Variants in SEL1L3 observed in about 807,000 individuals in gnomAD.
SEL1L3 encodes protein sel-1 homolog 3.
A neutral mutation model predicts 142.8 loss-of-function variants in SEL1L3; 76 were observed. The observed-to-expected ratio is 0.53, with a 90% CI of 0.44 to 0.64. The LOEUF (loss-of-function observed/expected upper bound fraction) is 0.64. Ranked by LOEUF, SEL1L3 falls within the 30% of genes least tolerant of loss-of-function variation. The pLI, the probability that SEL1L3 is intolerant of heterozygous loss-of-function variation, is 0.00. For synonymous variants in SEL1L3, 504 were observed against 519.6 expected (o/e 0.97, Z 0.41); for missense variants, 1,262 against 1,381.7 (o/e 0.91, Z 1.37).
At position 25,765,346 on chromosome 4, in the gene SEL1L3, C is replaced by T. The variant is rs1486381903; in HGVS notation, c.2935G>A (p.Ala979Thr). Residue 979 changes from alanine (A) to threonine (T), a missense_variant, in exon 20 of 24, where the codon GCC becomes ACC. Physicochemically the swap from Ala to Thr is moderately conservative, Grantham distance 58. This residue lies in a region of SEL1L3 where 435 missense variants were observed against 559.2 expected (regional missense o/e 0.78). Transcript: ENST00000399878. Reference sequence around the variant, plus strand: ...TTTACCTGGGAGTCTCCATCCAGGGCGGCTTGGGCGTACATCTGCACAGAC... The same window carrying T: ...TTTACCTGGGAGTCTCCATCCAGGGTGGCTTGGGCGTACATCTGCACAGAC... ...ELSVQMYAQA[A>T]LDGDSQGFFN... 6 of 1,613,094 alleles carry T rather than the reference C, an allele frequency of 3.7e-6. No homozygotes were observed. The highest frequency in any genetic ancestry group is 1.3e-5 in the African/African-American group (1 of 74,978).
chr4:25,805,162 GA>G lies in SEL1L3; in HGVS notation c.1565-411del, dbSNP rs541037255. Among the ~76,000 whole-genome samples the G allele has an allele frequency of 2.0e-5, 3 of 152,248 alleles. No homozygotes were observed. The South Asian group carries it at 6.2e-4, about 32-fold the overall frequency. ...TTCTTAGGTACTGCTCTAAAAAGTTGAGCAAAAGAACCTTAGTTTTAGATGC... is the reference window on the plus strand; with the variant it reads ...TTCTTAGGTACTGCTCTAAAAAGTTGGCAAAAGAACCTTAGTTTTAGATGC... On this transcript the variant is annotated intron_variant, in intron 9 of 23. Coordinates refer to ENST00000399878, the MANE Select transcript of SEL1L3 (RefSeq NM_015187.5).
At chr4:25,831,541 A>G (rs1252299300) in intron 5 of SEL1L3, among the ~76,000 whole-genome samples, 63 of 142,466 alleles carry the variant, frequency 4.4e-4, no homozygotes, top group Non-Finnish European at 8.7e-4. Flanking sequence ...TATTATTATT[A>G]TTGAGACAGA....
chr4:25,834,421 A>T (rs575842608), intron 3 of SEL1L3, among the ~76,000 whole-genome samples: 2 of 152,318 alleles, frequency 1.3e-5, no homozygotes, highest in Admixed American at 6.5e-5. Context: ...GAATGCATTG[A>T]TTTCTCTTCA....
the SEL1L3 span, among the ~76,000 whole-genome samples, chr4:25,724,441 T>C: frequency 1.4e-5 from 2 of 147,244 alleles, no homozygotes; most frequent in Admixed American, 6.8e-5. Context: ...AAAGACAAGG[T>C]AAAAGAAAAG....
intron 11 of SEL1L3, among the ~76,000 whole-genome samples, chr4:25,793,111 C>G (rs775547442): frequency 3.3e-5 from 5 of 152,170 alleles, no homozygotes; most frequent in Non-Finnish European, 7.3e-5. Context: ...TATGTGGAAA[C>G]GGAGGCCCAG....
At chr4:25,779,900 T>C (rs1719882803) in intron 15 of SEL1L3, among the ~76,000 whole-genome samples, 1 of 152,176 alleles carries the variant, frequency 6.6e-6, no homozygotes, top group African/African-American at 2.4e-5. Flanking sequence ...TGTTGGTTAA[T>C]CTCTCCAAAC....
intron 12 of SEL1L3, among the ~76,000 whole-genome samples, chr4:25,789,339 A>G (rs966533878): frequency 1.5e-4 from 23 of 152,252 alleles, no homozygotes; most frequent in African/African-American, 5.5e-4. Flanking sequence ...CTGCACTTTG[A>G]GAGGCATAAG....
chr4:25,842,257 A>T (rs922702424), intron 2 of SEL1L3, among the ~76,000 whole-genome samples: 17 of 151,758 alleles, frequency 1.1e-4, no homozygotes, highest in Admixed American at 2.6e-4. Context: ...AAAAAAAAAA[A>T]ACTCAACAAA....
chr4:25,793,822 C>T (rs570535825), intron 11 of SEL1L3, among the ~76,000 whole-genome samples: 7 of 152,290 alleles, frequency 4.6e-5, no homozygotes, highest in Admixed American at 4.6e-4. Flanking sequence ...CAAATCTAGG[C>T]TCCACTACTC....
At chr4:25,813,274 A>G (rs1714154773) in intron 9 of SEL1L3, among the ~76,000 whole-genome samples, 2 of 152,236 alleles carry the variant, frequency 1.3e-5, no homozygotes, top group South Asian at 4.1e-4. Flanking sequence ...AAAGTTATTC[A>G]CAATAGTCAA....
intron 11 of SEL1L3, among the ~76,000 whole-genome samples, chr4:25,795,409 G>A (rs1345828006): frequency 6.6e-6 from 1 of 152,154 alleles, no homozygotes; most frequent in African/African-American, 2.4e-5. Context: ...AGGTTGTGGG[G>A]ATGAAGATCT....
At chr4:25,781,898 C>T (rs957952313) in intron 15 of SEL1L3, among the ~76,000 whole-genome samples, 1 of 152,210 alleles carries the variant, frequency 6.6e-6, no homozygotes. Flanking sequence ...TTGCTTCTAG[C>T]AAGATCAGTC....
chr4:25,778,854 G>A (rs968567286), intron 16 of SEL1L3, among the ~76,000 whole-genome samples: 2 of 152,156 alleles, frequency 1.3e-5, no homozygotes, highest in Non-Finnish European at 2.9e-5. Flanking sequence ...GTCTAGGGGT[G>A]GGATGAAGTG....
the SEL1L3 span, among the ~76,000 whole-genome samples, chr4:25,729,619 C>T: frequency 6.6e-6 from 1 of 152,192 alleles, no homozygotes; most frequent in Non-Finnish European, 1.5e-5. Context: ...GAGGCTGAGG[C>T]AGGAGAATCG....
intron 13 of SEL1L3, 116 bp from the exon 14 acceptor site, chr4:25,784,406 T>G: frequency 1.2e-6 from 1 of 805,762 alleles, no homozygotes; most frequent in Admixed American, 2.1e-5. Flanking sequence ...TTTCTTCATT[T>G]AAACCCAAGC....
At chr4:25,722,639 T>TTTTTTTTTTTTG in the SEL1L3 span, among the ~76,000 whole-genome samples, 1 of 150,192 alleles carries the variant, frequency 6.7e-6, no homozygotes. Context: ...TTTTTTTTTT[T>TTTTTTTTTTTTG]AGAGATAGGG....
At chr4:25,752,108 CAAA>C (rs758727448) in intron 23 of SEL1L3, among the ~76,000 whole-genome samples, 3 of 99,402 alleles carry the variant, frequency 3.0e-5, no homozygotes, top group African/African-American at 7.5e-5. Flanking sequence ...GACTCCATCT[CAAA>C]AAAAAAAAAA....
chr4:25,832,991 AT>A lies in SEL1L3; in HGVS notation c.1098+3del. ...GTCGTGTGATGAAGCGTGCATACAG[AT>A]ACCTGGCCTCCGTTAAAAGAGATAT... is the stretch of plus-strand genomic sequence containing the variant. On this transcript the variant is annotated splice_donor_region_variant and intron_variant, in intron 5 of 23. Transcript: ENST00000399878. 1 of 1,538,144 alleles carries A rather than the reference AT, an allele frequency of 6.5e-7. No individual in the cohort carries two copies. Among genetic ancestry groups the A allele is most frequent in the African/African-American group, 1.4e-5 (1 of 73,456 alleles).
chr4:25,780,975 A>G (rs1230442262), intron 15 of SEL1L3, among the ~76,000 whole-genome samples: 6 of 151,466 alleles, frequency 4.0e-5, no homozygotes, highest in Non-Finnish European at 8.8e-5. Flanking sequence ...ACAAGCATGC[A>G]CCACCACACC....
Sources: gnomAD v4.1 joint callset for allele counts (sites outside exome capture counted in the v4.1 genomes callset) on GRCh38, gnomAD v4.1.1 for gene constraint, gnomAD v4.1.1 regional missense constraint, MANE v1.5 for transcripts, NCBI Gene and HGNC (gene_info 2026-07-23, HGNC 2026-07-21) for gene names.